ARMC2: variants seen among roughly 807,000 people sequenced by gnomAD.
ARMC2 encodes armadillo repeat-containing protein 2.
ARMC2 carries 67 observed loss-of-function variants against 90.3 expected under a neutral mutation model. The ratio of observed to expected loss-of-function variants is 0.74; its 90% CI spans 0.61 to 0.91. ARMC2 has a LOEUF of 0.91. Among genes scored for constraint, ARMC2 ranks in the 40% least tolerant of loss-of-function variants. The pLI is 0.00. For synonymous variants in ARMC2, 393 were observed against 393.0 expected, an observed-to-expected ratio of 1.00 and a Z score of 0.00; for missense variants, 920 against 1,030.9, an observed-to-expected ratio of 0.89 and a Z score of 1.47.
the ARMC2 span, among the ~76,000 whole-genome samples, chr6:109,019,899 G>A: frequency 5.9e-5 from 9 of 152,030 alleles, no homozygotes; most frequent in Non-Finnish European, 1.3e-4. Context: ...TCATAAATAC[G>A]CATTAAAATG....
At chr6:108,954,515 C>T (rs1485193914) in intron 13 of ARMC2, among the ~76,000 whole-genome samples, 2 of 152,092 alleles carry the variant, frequency 1.3e-5, no homozygotes, top group African/African-American at 2.4e-5. Flanking sequence ...CCCAGCTACT[C>T]GGGAGGCTGA....
chr6:108,954,856 G>T (rs569903439), intron 13 of ARMC2, among the ~76,000 whole-genome samples: 1 of 152,114 alleles, frequency 6.6e-6, no homozygotes, highest in Admixed American at 6.5e-5. Context: ...ACAAAATCCC[G>T]TAAACTGGGG....
chr6:109,026,078 G>A, the ARMC2 span, among the ~76,000 whole-genome samples: 2 of 152,026 alleles, frequency 1.3e-5, no homozygotes, highest in South Asian at 4.2e-4. Flanking sequence ...GGAAAAGTCA[G>A]ATTACCTACA....
the ARMC2 span, among the ~76,000 whole-genome samples, chr6:109,038,985 A>G: frequency 8.7e-3 from 1,307 of 151,012 alleles, 21 homozygotes; most frequent in African/African-American, 0.029. Context: ...GAAAAAGAAG[A>G]AGGAGGAGGA....
At chr6:108,967,318 C>T (rs1236681175) in intron 17 of ARMC2, among the ~76,000 whole-genome samples, 1 of 152,176 alleles carries the variant, frequency 6.6e-6, no homozygotes, top group East Asian at 1.9e-4. Flanking sequence ...GACAGGCTAT[C>T]TGTGGTTTCC....
the ARMC2 span, among the ~76,000 whole-genome samples, chr6:108,980,531 G>C: frequency 7.2e-6 from 1 of 139,668 alleles, no homozygotes; most frequent in Non-Finnish European, 1.6e-5. Context: ...GAGAACGCCT[G>C]CTGGGAGATC....
intron 12 of ARMC2, among the ~76,000 whole-genome samples, chr6:108,944,309 G>A (rs1776650125): frequency 6.6e-6 from 1 of 152,254 alleles, no homozygotes; most frequent in Non-Finnish European, 1.5e-5. Context: ...ACAGGCAGCT[G>A]AGGAATGATT....
At chr6:108,863,289 G>C (rs1218677109) in intron 3 of ARMC2, among the ~76,000 whole-genome samples, 1 of 152,054 alleles carries the variant, frequency 6.6e-6, no homozygotes, top group African/African-American at 2.4e-5. Flanking sequence ...CATCATGTTG[G>C]CCAGGCTGGT....
In ARMC2 at chr6:108,912,369, G is replaced by A. The variant is rs1773528633; in HGVS notation, c.1161G>A (p.Leu387=). 1 of 1,611,058 alleles carries A rather than the reference G, an allele frequency of 6.2e-7. No individual in the cohort carries two copies. The highest frequency in any genetic ancestry group is 1.7e-5 in the Admixed American group (1 of 59,592). The part of the protein sequence containing the change: ...SLLEVLRSED[L]QTNMEAFLYC... ...TGGAGGTACTAAGAAGTGAAGACCTGCAAACTAACATGGAAGCTTTTTTAT... is the reference window on the plus strand; with the variant it reads ...TGGAGGTACTAAGAAGTGAAGACCTACAAACTAACATGGAAGCTTTTTTAT... The change falls in exon 10 of 18, where the codon CTG becomes CTA. Residue 387 remains leucine, a synonymous_variant. Transcript: ENST00000392644.
chr6:108,973,669 C>A lies in ARMC2; in HGVS notation c.*155C>A. On this transcript the variant is annotated 3_prime_UTR_variant, in exon 18 of 18. Transcript: ENST00000392644. The stretch of plus-strand genomic sequence containing the variant: ...AGCTGAAGTATTTTTTAAAATTAAG[C>A]ATTTCTTCTTGTTAGGTATTATGGA... 2 of 671,602 alleles carry A rather than the reference C, an allele frequency of 3.0e-6. No homozygotes were observed. The highest frequency in any genetic ancestry group is 4.7e-6 in the Non-Finnish European group (2 of 421,616). The allele number at this position is 671,602 out of a possible 1,614,324, so 41.6% of individuals were successfully genotyped here. A position where few individuals can be genotyped will look rare whatever the true frequency, so the allele number is the denominator to read the frequency against.
chr6:108,965,070 C>T lies in ARMC2; in HGVS notation c.2376C>T (p.Ile792=). Residue 792 remains isoleucine, a synonymous_variant, in exon 17 of 18, where the codon ATC becomes ATT. Transcript: ENST00000392644. The stretch of plus-strand genomic sequence containing the variant: ...CTTTATGGAACTTCAGTGAAAACAT[C>T]ACTAATGCTTCGTCATGTTTTGGAA... The part of the protein sequence containing the change: ...CKTLWNFSEN[I]TNASSCFGNE... The T allele has an allele frequency of 2.5e-6, 4 of 1,613,712 alleles. No homozygotes were observed. Among genetic ancestry groups the T allele is most frequent in the Non-Finnish European group, 3.4e-6 (4 of 1,179,670 alleles).
the ARMC2 span, among the ~76,000 whole-genome samples, chr6:109,009,931 C>A: frequency 6.6e-6 from 1 of 152,036 alleles, no homozygotes; most frequent in Admixed American, 6.5e-5. Context: ...CTGACAGCAC[C>A]AGGAGTAATG....
At chr6:109,018,061 A>G in the ARMC2 span, among the ~76,000 whole-genome samples, 1 of 152,202 alleles carries the variant, frequency 6.6e-6, no homozygotes, top group Non-Finnish European at 1.5e-5. Context: ...GATTTTATCC[A>G]GAGTTCTATG....
At chr6:108,955,906 A>G (rs541158049) in intron 13 of ARMC2, among the ~76,000 whole-genome samples, 1 of 152,188 alleles carries the variant, frequency 6.6e-6, no homozygotes, top group East Asian at 1.9e-4. Context: ...CAGCTGTGGG[A>G]CTCTTTAAAA....
chr6:108,901,293 T>C (rs1772124128), intron 7 of ARMC2, among the ~76,000 whole-genome samples: 1 of 151,658 alleles, frequency 6.6e-6, no homozygotes. Flanking sequence ...TTTTTGTATT[T>C]TTAGTAGAGA....
At chr6:108,900,225 G>C (rs1250250991) in intron 7 of ARMC2, among the ~76,000 whole-genome samples, 1 of 152,212 alleles carries the variant, frequency 6.6e-6, no homozygotes, top group Non-Finnish European at 1.5e-5. Flanking sequence ...ACTGGTATCT[G>C]TCCTACTCTC....
At chr6:108,939,565 C>T (rs143255387) in intron 12 of ARMC2, among the ~76,000 whole-genome samples, 68 of 152,284 alleles carry the variant, frequency 4.5e-4, no homozygotes, top group Non-Finnish European at 7.2e-4. Flanking sequence ...CTGAGGCCTC[C>T]CCAGAAGCTG....
the ARMC2 span, among the ~76,000 whole-genome samples, chr6:108,995,663 C>T: frequency 6.6e-6 from 1 of 152,130 alleles, no homozygotes; most frequent in African/African-American, 2.4e-5. Flanking sequence ...TGCCTGTAAT[C>T]CCAGCATTTT....
rs10712168 is a variant in ARMC2 at position 108,886,883 on chromosome 6, G to GT, written c.672-7574dup. 6.1e-3 allele frequency among the ~76,000 whole-genome samples: 898 copies of GT among 146,442 alleles called. 10 individuals are homozygous for GT. Among genetic ancestry groups the GT allele is most frequent in the African/African-American group, 0.02 (807 of 39,714 alleles). ...ATTATAGCAAAGTCTGAATTTTATA[G>GT]TTTTTTTTTTGTTTGTTTGTTTTGT... is the stretch of plus-strand genomic sequence containing the variant. On this transcript the variant is annotated intron_variant, in intron 5 of 17. Transcript: ENST00000392644.
Sources: gnomAD v4.1 joint callset for allele counts (sites outside exome capture counted in the v4.1 genomes callset) on GRCh38, gnomAD v4.1.1 for gene constraint, MANE v1.5 for transcripts, NCBI Gene and HGNC (gene_info 2026-07-23, HGNC 2026-07-21) for gene names.